Variants in NMNAT3 observed in about 807,000 individuals in gnomAD.
NMNAT3 encodes nicotinamide nucleotide adenylyltransferase 3, also known as nicotinamide/nicotinic acid mononucleotide adenylyltransferase 3.
Under a neutral mutation model 24.8 loss-of-function variants are expected in NMNAT3, and 21 were observed. The observed-to-expected ratio is 0.85, with a 90% confidence interval of 0.60 to 1.22. The LOEUF is 1.22. Among genes scored for constraint, NMNAT3 ranks in the 50% most tolerant of loss-of-function variants. The pLI is 0.00. For missense variants in NMNAT3, 387 were observed against 436.6 expected (o/e 0.89, Z 1.01); for synonymous variants, 136 against 155.2 (o/e 0.88, Z 0.92).
chr3:139,633,596 T>C (rs1012885098), intron 2 of NMNAT3, among the ~76,000 whole-genome samples: 1 of 152,164 alleles, frequency 6.6e-6, no homozygotes, highest in Admixed American at 6.5e-5. Flanking sequence ...GAAGGGACCT[T>C]CCAGCTAAAG....
chr3:139,599,557 T>A (rs998582793), intron 3 of NMNAT3: 2 of 608,418 alleles, frequency 3.3e-6, no homozygotes, highest in Non-Finnish European at 5.8e-6. Flanking sequence ...AGAAAAAACA[T>A]AAAAAAGACC....
chr3:139,611,942 C>T (rs933953585), intron 3 of NMNAT3, among the ~76,000 whole-genome samples: 8 of 152,114 alleles, frequency 5.3e-5, no homozygotes, highest in Non-Finnish European at 5.9e-5. Context: ...CTGAGGCGGG[C>T]GGATCACCGG....
intron 3 of NMNAT3, among the ~76,000 whole-genome samples, chr3:139,591,730 G>A (rs1319706918): frequency 1.3e-5 from 2 of 152,132 alleles, no homozygotes; most frequent in Admixed American, 6.5e-5. Flanking sequence ...ACAAGGCCGG[G>A]TACTCCAACA....
rs555279695 is a variant in NMNAT3 at position 139,575,672 on chromosome 3, T to C, written c.576-1992A>G. On this transcript the variant is annotated intron_variant, in intron 5 of 6. Transcript: ENST00000643695. Reference sequence around the variant, plus strand: ...GGAAATAATTACTTCCAATACAACATGCATTTGCCAGGGACTTCCACTGCG... The same window carrying C: ...GGAAATAATTACTTCCAATACAACACGCATTTGCCAGGGACTTCCACTGCG... 1.0e-4 allele frequency: 106 copies of C among 1,033,198 alleles called. No individual in the cohort carries two copies. The African/African-American group carries it at 1.6e-3, about 16-fold the overall frequency. The allele number at this position is 1,033,198 out of a possible 1,614,324, so 64.0% of individuals were successfully genotyped here.
At chr3:139,649,033 G>T (rs1222639655) in intron 1 of NMNAT3, among the ~76,000 whole-genome samples, 1 of 152,126 alleles carries the variant, frequency 6.6e-6, no homozygotes, top group Non-Finnish European at 1.5e-5. Context: ...GTTGTTGAGG[G>T]GGTGGTAAGA....
chr3:139,602,278 A>G (rs1055601162), intron 3 of NMNAT3, among the ~76,000 whole-genome samples: 1 of 152,218 alleles, frequency 6.6e-6, no homozygotes, highest in Non-Finnish European at 1.5e-5. Flanking sequence ...CATCTGATGG[A>G]GCTGTGGACT....
Position 139,627,626 on chromosome 3 carries a change from T to C in NMNAT3, c.99A>G (p.Leu33=), listed in dbSNP as rs2056112235. The stretch of plus-strand genomic sequence containing the variant: ...GGCCCCCTGACTGACCTGTTTGGTG[T>C]AGGTGATCTCTGGCCACCTCAAACA... Residue 33 remains leucine (L), a synonymous_variant, in exon 3 of 7, where the codon CTA becomes CTG. Coordinates refer to ENST00000643695, the MANE Select transcript of NMNAT3 (RefSeq NM_001320510.2). 1.3e-6 allele frequency: 2 copies of C among 1,587,484 alleles called. No individual in the cohort carries two copies. The highest frequency in any genetic ancestry group is 1.7e-6 in the Non-Finnish European group (2 of 1,173,136).
At chr3:139,643,097 G>A (rs1274302173) in intron 1 of NMNAT3, among the ~76,000 whole-genome samples, 1 of 152,156 alleles carries the variant, frequency 6.6e-6, no homozygotes, top group Non-Finnish European at 1.5e-5. Context: ...CATATGAATG[G>A]CCAAGAAGCA....
intron 3 of NMNAT3, among the ~76,000 whole-genome samples, chr3:139,591,665 AC>A (rs2054188540): frequency 6.6e-6 from 1 of 152,074 alleles, no homozygotes; most frequent in Admixed American, 6.6e-5. Context: ...CTGACCCCTG[AC>A]CCCCGAGCAG....
intron 3 of NMNAT3, among the ~76,000 whole-genome samples, chr3:139,603,221 A>G (rs2054791393): frequency 6.6e-6 from 1 of 152,214 alleles, no homozygotes; most frequent in East Asian, 1.9e-4. Flanking sequence ...AGAAGGGGAC[A>G]GAAGTCCCTG....
intron 1 of NMNAT3, among the ~76,000 whole-genome samples, chr3:139,668,587 C>T (rs1380132130): frequency 6.6e-6 from 1 of 152,188 alleles, no homozygotes; most frequent in Non-Finnish European, 1.5e-5. Context: ...AACCAGCTGC[C>T]TCTTGAATTC....
At chr3:139,610,620 G>A (rs925761042) in intron 3 of NMNAT3, among the ~76,000 whole-genome samples, 6 of 152,132 alleles carry the variant, frequency 3.9e-5, no homozygotes, top group Admixed American at 6.6e-5. Context: ...ATAAACATCC[G>A]TGTGAGCCCA....
chr3:139,616,916 G>T (rs544884112), intron 3 of NMNAT3, among the ~76,000 whole-genome samples: 27 of 152,258 alleles, frequency 1.8e-4, no homozygotes, highest in African/African-American at 6.5e-4. Context: ...TTTACCTACT[G>T]CAACATGTCC....
At chr3:139,670,079 C>A (rs1395135177) in intron 1 of NMNAT3, among the ~76,000 whole-genome samples, 2 of 152,054 alleles carry the variant, frequency 1.3e-5, no homozygotes, top group African/African-American at 4.8e-5. Flanking sequence ...TTTTCTCAAA[C>A]TTTTGGGGTT....
intron 6 of NMNAT3, chr3:139,566,712 A>ATTGG (rs1937289438): frequency 6.6e-6 from 1 of 152,068 alleles, no homozygotes; most frequent in Non-Finnish European, 1.5e-5. Context: ...GTTCTGTTCC[A>ATTGG]TTGGTCTATA....
chr3:139,602,887 C>T (rs1973432), intron 3 of NMNAT3, among the ~76,000 whole-genome samples: 140,188 of 152,276 alleles, frequency 0.92, 65,523 homozygotes, highest in Non-Finnish European at 1. Context: ...CAATTCTGAT[C>T]ATGTAAATTT....
At chr3:139,664,620 G>A (rs933863903) in intron 1 of NMNAT3, among the ~76,000 whole-genome samples, 1 of 152,128 alleles carries the variant, frequency 6.6e-6, no homozygotes, top group Non-Finnish European at 1.5e-5. Flanking sequence ...TCATCTATTT[G>A]GTAACCTGGA....
chr3:139,643,122 C>G (rs1189620388), intron 1 of NMNAT3, among the ~76,000 whole-genome samples: 1 of 152,136 alleles, frequency 6.6e-6, no homozygotes, highest in Non-Finnish European at 1.5e-5. Context: ...AAAAGATTCT[C>G]AACATCCCTA....
chr3:139,657,808 G>T (rs2057293417), intron 1 of NMNAT3, among the ~76,000 whole-genome samples: 1 of 151,076 alleles, frequency 6.6e-6, no homozygotes, highest in Admixed American at 6.6e-5. Flanking sequence ...ATTGTTGGGG[G>T]TTTTGCTGTG....
Sources: gnomAD v4.1 joint callset for allele counts (sites outside exome capture counted in the v4.1 genomes callset) on GRCh38, gnomAD v4.1.1 for gene constraint, MANE v1.5 for transcripts, NCBI Gene and HGNC (gene_info 2026-07-23, HGNC 2026-07-21) for gene names.